The following DEPTOR variants were observed in gnomAD, a reference collection of about 807,000 sequenced individuals.
DEPTOR encodes DEP domain containing MTOR interacting protein.
DEPTOR carries 41 observed loss-of-function variants against 41.6 expected under a neutral mutation model. The ratio of observed to expected loss-of-function variants is 0.98; its 90% CI spans 0.77 to 1.28. The LOEUF (loss-of-function observed/expected upper bound fraction) is 1.28, where lower values mean the gene tolerates loss of function less well. DEPTOR is among the 50% of genes most tolerant of loss of function. DEPTOR has a pLI of 0.00. For missense variants in DEPTOR, 514 were observed against 527.9 expected (o/e 0.97, Z 0.26); for synonymous variants, 195 against 192.3 (o/e 1.01, Z -0.12).
intron 1 of DEPTOR, among the ~76,000 whole-genome samples, chr8:119,925,442 A>C (rs995098716): frequency 2.6e-5 from 4 of 152,154 alleles, no homozygotes; most frequent in Non-Finnish European, 4.4e-5. Context: ...ACAACAACAA[A>C]AAAAACCCAT....
intron 3 of DEPTOR, among the ~76,000 whole-genome samples, chr8:119,939,770 C>T (rs1828177463): frequency 6.6e-6 from 1 of 152,016 alleles, no homozygotes; most frequent in African/African-American, 2.4e-5. Context: ...CCACCACACC[C>T]GGCCAGTGTG....
intron 1 of DEPTOR, among the ~76,000 whole-genome samples, chr8:119,921,760 G>GT (rs1563966294): frequency 2.3e-5 from 3 of 128,524 alleles, no homozygotes; most frequent in African/African-American, 6.9e-5. Context: ...TTTTTTTTTT[G>GT]TTTGTTTGTT....
At chr8:119,874,111 C>T (rs1827201238) in intron 1 of DEPTOR, 143 bp downstream of exon 1, 2 of 1,361,548 alleles carry the variant, frequency 1.5e-6, no homozygotes, top group South Asian at 1.3e-5. Context: ...GGATGGTCCT[C>T]GGTGCGCCCG....
intron 1 of DEPTOR, among the ~76,000 whole-genome samples, chr8:119,916,402 C>T (rs1267638416): frequency 6.6e-6 from 1 of 151,260 alleles, no homozygotes; most frequent in African/African-American, 2.4e-5. Context: ...ATTACAGGCA[C>T]GAGCCACGGT....
chr8:120,012,230 A>T (rs1418081432), intron 8 of DEPTOR, among the ~76,000 whole-genome samples: 5 of 152,218 alleles, frequency 3.3e-5, no homozygotes, highest in Non-Finnish European at 5.9e-5. Context: ...GTCATACACC[A>T]CTTAATGACA....
At chr8:119,883,302 G>T (rs572947622) in intron 1 of DEPTOR, among the ~76,000 whole-genome samples, 2 of 151,568 alleles carry the variant, frequency 1.3e-5, no homozygotes, top group Non-Finnish European at 2.9e-5. Flanking sequence ...GTGAAACCCC[G>T]TCTCTACTAA....
At chr8:120,034,436 C>T (rs963395122) in intron 8 of DEPTOR, among the ~76,000 whole-genome samples, 1 of 136,074 alleles carries the variant, frequency 7.3e-6, no homozygotes, top group African/African-American at 2.8e-5. Flanking sequence ...TCTTTTTTTT[C>T]CTTTTTCTTT....
intron 4 of DEPTOR, among the ~76,000 whole-genome samples, chr8:119,971,016 G>GT (rs1453520984): frequency 6.6e-6 from 1 of 152,140 alleles, no homozygotes; most frequent in Non-Finnish European, 1.5e-5. Context: ...GGATCACAAG[G>GT]TCGGGAGATC....
In DEPTOR at chr8:119,988,970, T is replaced by C. The variant is rs1283194155; in HGVS notation, c.605-12555T>C. Among the ~76,000 whole-genome samples, 4 of 145,160 alleles carry C rather than the reference T, an allele frequency of 2.8e-5. No individual in the cohort carries two copies. The South Asian group carries it at 6.8e-4, about 25-fold the overall frequency. On this transcript the variant is annotated intron_variant, in intron 4 of 8. Transcript: ENST00000286234. ...TCCTTTTTTTTTTCTTTTTTTTTTT[T>C]TTTTTTTTTTAATAGAGATGGGGCT...
chr8:120,030,391 C>G (rs571152807), intron 8 of DEPTOR, among the ~76,000 whole-genome samples: 49 of 150,982 alleles, frequency 3.2e-4, no homozygotes, highest in African/African-American at 1.2e-3. Flanking sequence ...TGGTGGGTAC[C>G]GGTCATTATA....
Position 120,001,648 on chromosome 8 carries a change from A to G in DEPTOR, c.728A>G (p.Asp243Gly). The stretch of plus-strand genomic sequence containing the variant: ...TCCCCCTCCTCCCAGGAAACTCATG[A>G]CAGTCCCTTCTGCCTGAGGAAGCAG... The part of the protein sequence containing the change: ...EKSPSSQETH[D>G]SPFCLRKQSH... Residue 243 changes from aspartate to glycine, a missense_variant, in exon 5 of 9, where the codon GAC (aspartate) becomes GGC (glycine). Physicochemically the swap from Asp to Gly is moderately conservative, Grantham distance 94. Transcript: ENST00000286234. The G allele has an allele frequency of 2.5e-6, 4 of 1,614,008 alleles. No individual in the cohort carries two copies. Among genetic ancestry groups the G allele is most frequent in the Non-Finnish European group, 2.5e-6 (3 of 1,179,962 alleles).
intron 6 of DEPTOR, among the ~76,000 whole-genome samples, chr8:120,004,859 C>T (rs960407134): frequency 6.6e-6 from 1 of 151,904 alleles, no homozygotes; most frequent in Admixed American, 6.6e-5. Flanking sequence ...AGCAGATGAT[C>T]AGGCCTTCAC....
rs376950421 is a variant in DEPTOR at position 119,971,064 on chromosome 8, G to A, written c.604+5654G>A. On this transcript the variant is annotated intron_variant, in intron 4 of 8. Coordinates refer to ENST00000286234, the MANE Select transcript of DEPTOR (RefSeq NM_022783.4). ...GCTAACACGGTGAAACCCCGTCTCT[G>A]CTAAAAATACAAAAAAACTTAGCCG... Among the ~76,000 whole-genome samples the A allele has an allele frequency of 1.1e-3, 161 of 151,962 alleles. 1 individual carries two copies. Among genetic ancestry groups the A allele is most frequent in the South Asian group, 3.5e-3 (17 of 4,814 alleles).
intron 1 of DEPTOR, chr8:119,874,338 G>A (rs1276426819): frequency 1.4e-5 from 4 of 282,610 alleles, no homozygotes; most frequent in African/African-American, 6.9e-5. Flanking sequence ...TCCGCGAAGA[G>A]AGCAAGAGGG....
chr8:120,030,299 G>A (rs1407744970), intron 8 of DEPTOR, among the ~76,000 whole-genome samples: 4 of 151,978 alleles, frequency 2.6e-5, no homozygotes, highest in Non-Finnish European at 4.4e-5. Flanking sequence ...TGTGGAAATA[G>A]GATATGTATT....
intron 4 of DEPTOR, among the ~76,000 whole-genome samples, chr8:119,978,305 T>G (rs1447534037): frequency 3.3e-5 from 5 of 152,134 alleles, no homozygotes; most frequent in African/African-American, 1.2e-4. Flanking sequence ...CAGCAGGGTT[T>G]AAGTGGTCAT....
At chr8:120,047,023 T>G (rs1371189451) in intron 8 of DEPTOR, among the ~76,000 whole-genome samples, 1 of 152,036 alleles carries the variant, frequency 6.6e-6, no homozygotes, top group Non-Finnish European at 1.5e-5. Context: ...GTCTGGGTTT[T>G]TATTTATTTA....
At chr8:120,015,786 T>C (rs1447794103) in intron 8 of DEPTOR, among the ~76,000 whole-genome samples, 1 of 152,128 alleles carries the variant, frequency 6.6e-6, no homozygotes, top group African/African-American at 2.4e-5. Context: ...GCGGAGGTGG[T>C]GTCTGATTTG....
chr8:119,944,849 T>G (rs2129907461), intron 3 of DEPTOR, among the ~76,000 whole-genome samples: 1 of 152,180 alleles, frequency 6.6e-6, no homozygotes, highest in East Asian at 1.9e-4. Flanking sequence ...AGAGACAGGG[T>G]TTAACCATGT....
Sources: gnomAD v4.1 joint callset for allele counts (sites outside exome capture counted in the v4.1 genomes callset) on GRCh38, gnomAD v4.1.1 for gene constraint, MANE v1.5 for transcripts, NCBI Gene and HGNC (gene_info 2026-07-23, HGNC 2026-07-21) for gene names.